PDGFRL: variants seen among roughly 807,000 people sequenced by gnomAD.
The protein encoded by PDGFRL is platelet-derived growth factor receptor-like protein.
Under a neutral mutation model 37.2 loss-of-function variants are expected in PDGFRL, and 46 were observed. That is an observed-to-expected ratio of 1.24 (90% CI 0.98 to 1.58). PDGFRL has a LOEUF of 1.58. Ranked by LOEUF, PDGFRL falls within the 40% of genes most tolerant of loss-of-function variation. The pLI, the probability that PDGFRL is intolerant of heterozygous loss-of-function variation, is 0.00. For synonymous variants in PDGFRL, 251 were observed against 184.3 expected, an observed-to-expected ratio of 1.36 and a Z score of -2.93; for missense variants, 692 against 467.6, an observed-to-expected ratio of 1.48 and a Z score of -4.43.
At position 17,587,752 on chromosome 8, in the gene PDGFRL, C is replaced by T. The variant is rs112999913; in HGVS notation, c.56-1716C>T. Among the ~76,000 whole-genome samples, 6 of 150,812 alleles carry T rather than the reference C, an allele frequency of 4.0e-5. No individual in the cohort carries two copies. The East Asian group carries it at 9.7e-4, about 24-fold the overall frequency. ...AAGCAGTTCTTGTGCCTCAGCCTCC[C>T]GAGTGGTAGCTGGGATTACAGGCAT... On this transcript the variant is annotated intron_variant, in intron 1 of 5. Coordinates refer to ENST00000251630, the MANE Select transcript of PDGFRL (RefSeq NM_001372073.1).
chr8:17,615,383 A>G, intron 2 of PDGFRL, among the ~76,000 whole-genome samples: 1 of 152,102 alleles, frequency 6.6e-6, no homozygotes, highest in South Asian at 2.1e-4. Context: ...CACTCAGTCA[A>G]AATTGCTTCA....
At chr8:17,588,501 G>T (rs1446977622) in intron 1 of PDGFRL, among the ~76,000 whole-genome samples, 2 of 107,096 alleles carry the variant, frequency 1.9e-5, no homozygotes, top group South Asian at 3.1e-4. Flanking sequence ...ACATAGCAAG[G>T]CCCCATCTTT....
At chr8:17,577,953 T>A (rs2720577) in intron 1 of PDGFRL, among the ~76,000 whole-genome samples, 2 of 151,716 alleles carry the variant, frequency 1.3e-5, no homozygotes, top group Non-Finnish European at 2.9e-5. Flanking sequence ...TTGGTACAGC[T>A]TATGGGACCA....
At chr8:17,594,715 T>C in intron 2 of PDGFRL, among the ~76,000 whole-genome samples, 1 of 152,096 alleles carries the variant, frequency 6.6e-6, no homozygotes, top group East Asian at 1.9e-4. Flanking sequence ...CCACCATGCC[T>C]GGCTAATTTT....
At chr8:17,628,844 T>C in intron 4 of PDGFRL, 64 bp downstream of exon 4, 1 of 1,089,774 alleles carries the variant, frequency 9.2e-7, no homozygotes, top group Non-Finnish European at 1.4e-6. Context: ...GTACTGCTGT[T>C]CCCTGCCTGC....
chr8:17,635,440 T>A (rs1437144454), intron 5 of PDGFRL, among the ~76,000 whole-genome samples: 1 of 152,238 alleles, frequency 6.6e-6, no homozygotes, highest in Non-Finnish European at 1.5e-5. Flanking sequence ...TCCATCCAGG[T>A]TGCTGCAAAT....
intron 5 of PDGFRL, among the ~76,000 whole-genome samples, chr8:17,638,738 CATATATATATATATATATATATATATAT>C (rs56085770): frequency 0.01 from 492 of 47,370 alleles, 25 homozygotes; most frequent in African/African-American, 0.022. Context: ...GCATTAGGTG[CATATATATATATATATATATATATATAT>C]ATATATATAT....
chr8:17,634,584 G>A (rs1202240373), intron 5 of PDGFRL, among the ~76,000 whole-genome samples: 2 of 151,908 alleles, frequency 1.3e-5, no homozygotes, highest in South Asian at 2.1e-4. Flanking sequence ...CCCTTCAATG[G>A]TAGACTGGAT....
chr8:17,614,423 A>G (rs1804483151), intron 2 of PDGFRL, among the ~76,000 whole-genome samples: 1 of 152,176 alleles, frequency 6.6e-6, no homozygotes, highest in African/African-American at 2.4e-5. Context: ...ACGGAGACTT[A>G]CAGGAAATAC....
At chr8:17,597,075 C>T (rs1460415216) in intron 2 of PDGFRL, among the ~76,000 whole-genome samples, 2 of 152,210 alleles carry the variant, frequency 1.3e-5, no homozygotes, top group Admixed American at 1.3e-4. Flanking sequence ...GGTTGGCGTG[C>T]AGTGGCACGA....
intron 1 of PDGFRL, among the ~76,000 whole-genome samples, chr8:17,588,349 C>T (rs1240309276): frequency 6.6e-6 from 1 of 152,084 alleles, no homozygotes; most frequent in African/African-American, 2.4e-5. Flanking sequence ...GTAATGTCTG[C>T]TTTACCATTT....
chr8:17,583,179 C>T (rs73561231), intron 1 of PDGFRL, among the ~76,000 whole-genome samples: 13,565 of 152,046 alleles, frequency 0.089, 761 homozygotes, highest in Middle Eastern at 0.2. Flanking sequence ...CCTGAGTGTG[C>T]GAGCAGAAGC....
intron 5 of PDGFRL, among the ~76,000 whole-genome samples, chr8:17,639,890 C>T (rs920401921): frequency 3.9e-5 from 6 of 152,146 alleles, no homozygotes. Flanking sequence ...TTTTAGATTT[C>T]TCCTCTTCCT....
intron 1 of PDGFRL, among the ~76,000 whole-genome samples, chr8:17,586,656 T>C (rs557216918): frequency 1.3e-5 from 2 of 149,532 alleles, no homozygotes; most frequent in South Asian, 2.1e-4. Flanking sequence ...AAAAAACAAA[T>C]AGCACTTAGC....
At chr8:17,600,862 G>T (rs1315691774) in intron 2 of PDGFRL, among the ~76,000 whole-genome samples, 5 of 151,840 alleles carry the variant, frequency 3.3e-5, no homozygotes, top group South Asian at 2.1e-4. Flanking sequence ...CACCCCTGTA[G>T]TCCCAGCTAC....
intron 2 of PDGFRL, among the ~76,000 whole-genome samples, chr8:17,592,504 C>T (rs2588150): frequency 0.55 from 83,408 of 151,914 alleles, 25,261 homozygotes; most frequent in Non-Finnish European, 0.67. Flanking sequence ...CCTCATATGG[C>T]AGTGAAGCCC....
intron 2 of PDGFRL, among the ~76,000 whole-genome samples, chr8:17,606,463 C>T (rs548505706): frequency 3.4e-4 from 52 of 152,268 alleles, no homozygotes; most frequent in African/African-American, 1.2e-3. Flanking sequence ...AACGCCACCC[C>T]CAAACTCTAA....
At chr8:17,635,694 T>A (rs1200382598) in intron 5 of PDGFRL, among the ~76,000 whole-genome samples, 2 of 152,214 alleles carry the variant, frequency 1.3e-5, no homozygotes, top group Non-Finnish European at 2.9e-5. Flanking sequence ...CTTTAAGGAA[T>A]CTCCACAGTT....
chr8:17,602,266 C>T (rs894472692), intron 2 of PDGFRL, among the ~76,000 whole-genome samples: 1 of 152,108 alleles, frequency 6.6e-6, no homozygotes, highest in East Asian at 1.9e-4. Flanking sequence ...CACTTTTTGA[C>T]AGATAAGGGA....
Sources: gnomAD v4.1 joint callset for allele counts (sites outside exome capture counted in the v4.1 genomes callset) on GRCh38, gnomAD v4.1.1 for gene constraint, MANE v1.5 for transcripts, NCBI Gene and HGNC (gene_info 2026-07-23, HGNC 2026-07-21) for gene names.